ERC2: variants seen among roughly 807,000 people sequenced by gnomAD.
ERC2 encodes ELKS/RAB6-interacting/CAST family member 2, also known as ERC protein 2.
ERC2 carries 42 observed loss-of-function variants against 114.8 expected under a neutral mutation model. The ratio of observed to expected loss-of-function variants is 0.37; its 90% CI spans 0.29 to 0.47. ERC2 has a LOEUF of 0.47. Ranked by LOEUF, ERC2 falls within the 20% of genes least tolerant of loss-of-function variation. The pLI is 0.99. For synonymous variants in ERC2, 454 were observed against 425.5 expected, an observed-to-expected ratio of 1.07 and a Z score of -0.82; for missense variants, 939 against 1,150.7, an observed-to-expected ratio of 0.82 and a Z score of 2.66.
At chr3:55,654,253 C>T (rs1029377569) in intron 17 of ERC2, among the ~76,000 whole-genome samples, 1 of 152,222 alleles carries the variant, frequency 6.6e-6, no homozygotes, top group Admixed American at 6.5e-5. Flanking sequence ...AACTGTATCA[C>T]CTCACATGCT....
intron 7 of ERC2, among the ~76,000 whole-genome samples, chr3:56,072,660 T>C (rs1488630623): frequency 2.6e-5 from 4 of 152,174 alleles, no homozygotes; most frequent in Non-Finnish European, 1.5e-5. Flanking sequence ...ATATTTAATG[T>C]GAATATAGAA....
intron 7 of ERC2, among the ~76,000 whole-genome samples, chr3:56,040,173 A>G (rs1053800786): frequency 6.6e-6 from 1 of 152,230 alleles, no homozygotes. Context: ...GCTTTTGCAC[A>G]GCAAAGGAAA....
chr3:56,250,680 T>C (rs1488607077), intron 3 of ERC2, among the ~76,000 whole-genome samples: 3 of 152,202 alleles, frequency 2.0e-5, no homozygotes, highest in African/African-American at 7.2e-5. Context: ...AAAAGCTCCC[T>C]TTCCATCAAT....
At chr3:55,702,581 C>G (rs1248139323) in intron 15 of ERC2, among the ~76,000 whole-genome samples, 1 of 152,036 alleles carries the variant, frequency 6.6e-6, no homozygotes, top group Non-Finnish European at 1.5e-5. Context: ...TTCATCCCCA[C>G]CCAATTATAC....
chr3:56,310,390 T>C (rs1260349373), intron 2 of ERC2, among the ~76,000 whole-genome samples: 1 of 152,216 alleles, frequency 6.6e-6, no homozygotes, highest in African/African-American at 2.4e-5. Context: ...CCAATGATGT[T>C]TTAAAGGTTT....
intron 16 of ERC2, 73 bp from the exon 17 acceptor site, chr3:55,683,932 T>C: frequency 1.3e-6 from 2 of 1,521,162 alleles, no homozygotes; most frequent in Non-Finnish European, 1.8e-6. Context: ...GAAGGTTAGT[T>C]ACACCGAGAT....
intron 17 of ERC2, among the ~76,000 whole-genome samples, chr3:55,654,603 G>A (rs996471205): frequency 2.0e-5 from 3 of 152,202 alleles, no homozygotes; most frequent in East Asian, 1.9e-4. Context: ...ATGGAGTCTC[G>A]CAGATCTTTC....
intron 7 of ERC2, among the ~76,000 whole-genome samples, chr3:56,073,261 G>C (rs2076822773): frequency 2.0e-5 from 3 of 152,194 alleles, no homozygotes; most frequent in Non-Finnish European, 2.9e-5. Context: ...ACCAAGATCA[G>C]TAGTGATCCT....
intron 15 of ERC2, among the ~76,000 whole-genome samples, chr3:55,714,014 T>C (rs2063934961): frequency 6.6e-6 from 1 of 152,256 alleles, no homozygotes; most frequent in South Asian, 2.1e-4. Flanking sequence ...TAGTGATTGC[T>C]GATTTTATTC....
intron 14 of ERC2, among the ~76,000 whole-genome samples, chr3:55,869,767 G>C (rs62256773): frequency 1.3e-5 from 2 of 152,112 alleles, no homozygotes; most frequent in African/African-American, 4.8e-5. Context: ...ACTAGGGCCA[G>C]ATGCAGCACC....
intron 3 of ERC2, among the ~76,000 whole-genome samples, chr3:56,278,292 T>C (rs1005456852): frequency 1.3e-5 from 2 of 152,228 alleles, no homozygotes; most frequent in South Asian, 2.1e-4. Context: ...CATCACATTG[T>C]TTCTTTCAGG....
chr3:56,007,366 C>A (rs1285118293), intron 9 of ERC2, 45 bp from the exon 10 acceptor site: 1 of 1,526,408 alleles, frequency 6.6e-7, no homozygotes. Flanking sequence ...GAAATTTCTA[C>A]TAGCAATGCC....
chr3:55,914,641 C>T (rs1434211813), intron 13 of ERC2, among the ~76,000 whole-genome samples: 1 of 152,204 alleles, frequency 6.6e-6, no homozygotes, highest in Non-Finnish European at 1.5e-5. Flanking sequence ...GACCTACTGG[C>T]TAAGCTTCAC....
chr3:55,736,510 T>C (rs34517237), intron 14 of ERC2, among the ~76,000 whole-genome samples: 3 of 152,216 alleles, frequency 2.0e-5, no homozygotes, highest in Non-Finnish European at 2.9e-5. Context: ...ATTTTTTTTA[T>C]AGAACTCTTT....
At chr3:56,452,347 A>T (rs1344009974) in intron 1 of ERC2, among the ~76,000 whole-genome samples, 2 of 152,220 alleles carry the variant, frequency 1.3e-5, no homozygotes, top group Non-Finnish European at 2.9e-5. Context: ...TTGAATCATC[A>T]CCCAGTGCAC....
intron 14 of ERC2, among the ~76,000 whole-genome samples, chr3:55,769,874 G>A (rs2068068787): frequency 6.6e-6 from 1 of 152,176 alleles, no homozygotes; most frequent in South Asian, 2.1e-4. Flanking sequence ...ATGGCAGAAG[G>A]TTCTTGTGGC....
chr3:56,008,514 T>C (rs2072673941), intron 9 of ERC2, among the ~76,000 whole-genome samples: 1 of 152,220 alleles, frequency 6.6e-6, no homozygotes. Context: ...CACTTTGTCA[T>C]GGTGAAGACA....
chr3:56,099,960 G>A (rs2078263243), intron 6 of ERC2, among the ~76,000 whole-genome samples: 1 of 151,852 alleles, frequency 6.6e-6, no homozygotes, highest in Non-Finnish European at 1.5e-5. Context: ...TCTTTCCAGA[G>A]AACCAGCTCT....
chr3:56,313,138 CAA>C (rs1299747794), intron 2 of ERC2, among the ~76,000 whole-genome samples: 1 of 122,216 alleles, frequency 8.2e-6, no homozygotes, highest in Non-Finnish European at 1.7e-5. Context: ...TATGAATGGA[CAA>C]AAAAAAAAGA....
Sources: allele counts gnomAD v4.1 joint callset (sites outside exome capture counted in the v4.1 genomes callset), GRCh38; gene constraint gnomAD v4.1.1; transcripts MANE v1.5; gene names NCBI Gene and HGNC (gene_info 2026-07-23, HGNC 2026-07-21).